PNPLA1: variants seen among roughly 807,000 people sequenced by gnomAD.
PNPLA1 encodes patatin like domain 1, omega-hydroxyceramide transacylase.
PNPLA1 carries 36 observed loss-of-function variants against 51.7 expected under a neutral mutation model. That is an observed-to-expected ratio of 0.70 (90% CI 0.53 to 0.92). The LOEUF is 0.92. Among genes scored for constraint, PNPLA1 ranks in the 40% least tolerant of loss-of-function variants. The pLI is 0.00. For synonymous variants in PNPLA1, 293 were observed against 280.1 expected, an observed-to-expected ratio of 1.05 and a Z score of -0.46; for missense variants, 658 against 682.5, an observed-to-expected ratio of 0.96 and a Z score of 0.40.
At chr6:36,263,731 C>A (rs1769702825) in intron 1 of PNPLA1, among the ~76,000 whole-genome samples, 1 of 151,894 alleles carries the variant, frequency 6.6e-6, no homozygotes, top group Admixed American at 6.6e-5. Context: ...CCCAGGGCTA[C>A]CCCATTCTTA....
At chr6:36,262,616 C>T (rs145936476) in intron 1 of PNPLA1, among the ~76,000 whole-genome samples, 6 of 152,186 alleles carry the variant, frequency 3.9e-5, no homozygotes, top group Non-Finnish European at 7.3e-5. Context: ...CCATCCTCAG[C>T]GGTTTTATTT....
chr6:36,256,667 C>T (rs529204505), intron 1 of PNPLA1, among the ~76,000 whole-genome samples: 15 of 152,160 alleles, frequency 9.9e-5, no homozygotes, highest in Middle Eastern at 3.4e-3. Flanking sequence ...AGGATGGTCT[C>T]GACCTCTTGA....
chr6:36,261,484 C>T lies in PNPLA1; in HGVS notation c.-81+18223C>T, dbSNP rs79680578. On this transcript the variant is annotated intron_variant, in intron 1 of 7. Coordinates refer to the PNPLA1 transcript ENST00000312917. ...AGGAAAGTGTTGATGGGTTTACCTA[C>T]GTATTCAGGTCAATGTAAATTAACA... 1.2e-3 allele frequency among the ~76,000 whole-genome samples: 179 copies of T among 152,310 alleles called. 1 individual carries two copies. The highest frequency in any genetic ancestry group is 4.1e-3 in the African/African-American group (169 of 41,580).
intron 1 of PNPLA1, among the ~76,000 whole-genome samples, chr6:36,279,710 A>G (rs1343521168): frequency 6.6e-6 from 1 of 152,176 alleles, no homozygotes; most frequent in East Asian, 1.9e-4. Flanking sequence ...CATCCCTTGG[A>G]CATTATGGTG....
chr6:36,262,347 C>T (rs979947835), intron 1 of PNPLA1, among the ~76,000 whole-genome samples: 21 of 152,168 alleles, frequency 1.4e-4, no homozygotes, highest in Admixed American at 1.3e-4. Flanking sequence ...CCAGACGGGG[C>T]TACGCAGCAC....
In PNPLA1 at chr6:36,246,645, T is replaced by C. The variant is rs538537578; in HGVS notation, c.-81+3384T>C. On this transcript the variant is annotated intron_variant, in intron 1 of 7. Transcript: ENST00000312917. ...ATTTCAGAGACAACAGGAAGGTCCT[T>C]TATGCATAAGAAACTAGACGCTTTC... Among the ~76,000 whole-genome samples, 5 of 152,282 alleles carry C rather than the reference T, an allele frequency of 3.3e-5. No homozygotes were observed. The South Asian group carries it at 8.3e-4, about 25-fold the overall frequency.
In PNPLA1 at chr6:36,300,178, T is replaced by TGTGTGTGAGAGAGAGA; in HGVS notation, c.776-1682_776-1681insTGTGTGAGAGAGAGAG. ...TCTTATTCTTGTGTGTGTGTGTGTG[T>TGTGTGTGAGAGAGAGA]GAGAGAGAGAGAGAGAGAGAGAGAG... is the stretch of plus-strand genomic sequence containing the variant. On this transcript the variant is annotated intron_variant, in intron 5 of 8. Transcript: ENST00000636260. Among the ~76,000 whole-genome samples the TGTGTGTGAGAGAGAGA allele has an allele frequency of 3.5e-3, 343 of 98,088 alleles. 10 individuals are homozygous for TGTGTGTGAGAGAGAGA. Among genetic ancestry groups the TGTGTGTGAGAGAGAGA allele is most frequent in the Non-Finnish European group, 4.9e-3 (216 of 44,322 alleles). The allele number at this position is 98,088 out of a possible 152,430, so 64.3% of individuals were successfully genotyped here.
chr6:36,310,906 C>G (rs945493554), intron 8 of PNPLA1, among the ~76,000 whole-genome samples: 3 of 152,232 alleles, frequency 2.0e-5, no homozygotes, highest in Admixed American at 6.5e-5. Context: ...AATGTGGAAG[C>G]ATCCTGTGTA....
intron 1 of PNPLA1, among the ~76,000 whole-genome samples, chr6:36,259,031 A>G (rs1040831143): frequency 4.6e-5 from 7 of 152,248 alleles, no homozygotes; most frequent in South Asian, 2.1e-4. Flanking sequence ...CAGTCTGGCC[A>G]GCAGGTTCTG....
intron 1 of PNPLA1, among the ~76,000 whole-genome samples, chr6:36,285,777 A>G: frequency 6.6e-6 from 1 of 152,120 alleles, no homozygotes; most frequent in Non-Finnish European, 1.5e-5. Flanking sequence ...AACAAATAAA[A>G]TAAACGCATG....
At chr6:36,254,197 G>A (rs1769481012) in intron 1 of PNPLA1, among the ~76,000 whole-genome samples, 1 of 152,112 alleles carries the variant, frequency 6.6e-6, no homozygotes, top group African/African-American at 2.4e-5. Context: ...AAAACTAATT[G>A]CTTCTGTTCT....
chr6:36,296,515 T>C (rs116593327), intron 5 of PNPLA1, among the ~76,000 whole-genome samples: 2,358 of 152,322 alleles, frequency 0.015, 68 homozygotes, highest in African/African-American at 0.05. Flanking sequence ...AGTAATTCTG[T>C]GGTAAACTTT....
At chr6:36,291,661 T>C (rs760887950) in intron 2 of PNPLA1, 109 bp downstream of exon 2, 3 of 917,260 alleles carry the variant, frequency 3.3e-6, no homozygotes, top group Non-Finnish European at 5.0e-6. Flanking sequence ...CTCACTTCCC[T>C]AGTCCTTCCC....
intron 1 of PNPLA1, among the ~76,000 whole-genome samples, chr6:36,260,758 T>C (rs1769630316): frequency 6.6e-6 from 1 of 152,340 alleles, no homozygotes; most frequent in South Asian, 2.1e-4. Flanking sequence ...CTGTTTCGAT[T>C]ATTTTTATTT....
In PNPLA1 at chr6:36,289,235, G is replaced by T. The variant is rs114052597; in HGVS notation, c.206-2085G>T. 7.5e-3 allele frequency among the ~76,000 whole-genome samples: 1,141 copies of T among 152,290 alleles called. 9 individuals carry two copies. The highest frequency in any genetic ancestry group is 0.031 in the Middle Eastern group (9 of 294). On this transcript the variant is annotated intron_variant, in intron 1 of 8. Transcript: ENST00000636260. Reference sequence around the variant, plus strand: ...CTCCCAGGGGTGGCTTCTGCTGGGAGATCAGGCGTTCCTGGCTCTCAGGCC... The same window carrying T: ...CTCCCAGGGGTGGCTTCTGCTGGGATATCAGGCGTTCCTGGCTCTCAGGCC...
chr6:36,284,625 C>T (rs1326049524), intron 1 of PNPLA1, among the ~76,000 whole-genome samples: 1 of 151,946 alleles, frequency 6.6e-6, no homozygotes, highest in Non-Finnish European at 1.5e-5. Flanking sequence ...TACTGAGGCT[C>T]ATCTTTTTCC....
intron 1 of PNPLA1, among the ~76,000 whole-genome samples, chr6:36,255,686 TA>T (rs10711951): frequency 0.5 from 74,041 of 147,234 alleles, 19,105 homozygotes; most frequent in East Asian, 0.71. Flanking sequence ...AAACTCCGTC[TA>T]AAAAAAAAAA....
At chr6:36,289,496 C>T (rs573354532) in intron 1 of PNPLA1, among the ~76,000 whole-genome samples, 4 of 152,210 alleles carry the variant, frequency 2.6e-5, no homozygotes, top group East Asian at 1.9e-4. Context: ...TCACTAAAAC[C>T]GTAGGGCCTT....
chr6:36,262,649 A>C (rs988677647), intron 1 of PNPLA1, among the ~76,000 whole-genome samples: 41 of 152,236 alleles, frequency 2.7e-4, no homozygotes, highest in Admixed American at 2.7e-3. Flanking sequence ...ATGCATATAC[A>C]TACAGAAGCT....
Sources: gnomAD v4.1 joint callset for allele counts (sites outside exome capture counted in the v4.1 genomes callset) on GRCh38, gnomAD v4.1.1 for gene constraint, MANE v1.5 for transcripts, NCBI Gene and HGNC (gene_info 2026-07-23, HGNC 2026-07-21) for gene names.